KCTD14: variants seen among roughly 807,000 people sequenced by gnomAD.
KCTD14 encodes the protein BTB/POZ domain-containing protein KCTD14.
KCTD14 carries 7 observed loss-of-function variants against 5.9 expected under a neutral mutation model. The ratio of observed to expected loss-of-function variants is 1.19; its 90% CI spans 0.68 to 2.23. KCTD14 has a LOEUF of 2.23. Among genes scored for constraint, KCTD14 ranks in the 30% most tolerant of loss-of-function variants. The pLI, the probability that KCTD14 is intolerant of heterozygous loss-of-function variation, is 0.00. For missense variants in KCTD14, 342 were observed against 332.2 expected, an observed-to-expected ratio of 1.03 and a Z score of -0.23; for synonymous variants, 140 against 133.1, an observed-to-expected ratio of 1.05 and a Z score of -0.36.
chr11:78,045,462 C>T (rs929700600), intron 1 of KCTD14, among the ~76,000 whole-genome samples: 1 of 152,158 alleles, frequency 6.6e-6, no homozygotes, highest in Non-Finnish European at 1.5e-5. Flanking sequence ...GGTTGGCAAT[C>T]GTTTATGTCT....
chr11:78,033,834 A>C (rs1271685925), intron 2 of KCTD14, among the ~76,000 whole-genome samples: 1 of 116,660 alleles, frequency 8.6e-6, no homozygotes, highest in Non-Finnish European at 1.8e-5. Flanking sequence ...TGACAGAGTA[A>C]GACTCCATCT....
chr11:78,023,132 G>A, intron 1 of KCTD14, 28 bp downstream of exon 1: 1 of 1,436,444 alleles, frequency 7.0e-7, no homozygotes, highest in Non-Finnish European at 9.5e-7. Flanking sequence ...GGACAGAGGC[G>A]CGGGGACGCA....
intron 1 of KCTD14, among the ~76,000 whole-genome samples, chr11:78,039,627 C>A (rs1033056036): frequency 6.6e-6 from 1 of 151,274 alleles, no homozygotes; most frequent in Non-Finnish European, 1.5e-5. Flanking sequence ...AATAGCTAGG[C>A]ATGTTGATAT....
At chr11:78,022,910 G>A in intron 1 of KCTD14, 1 of 495,456 alleles carries the variant, frequency 2.0e-6, no homozygotes, top group South Asian at 3.1e-5. Flanking sequence ...GAAGCAAAAG[G>A]GCAAAGAGGA....
At chr11:78,022,864 C>G (rs7124562) in intron 1 of KCTD14, 258,506 of 340,634 alleles carry the variant, frequency 0.76, 99,780 homozygotes, top group Admixed American at 0.81. Flanking sequence ...GGGGAAGAGA[C>G]AAGGGAAAGG....
chr11:78,045,936 TG>T, intron 1 of KCTD14: 1 of 184,918 alleles, frequency 5.4e-6, no homozygotes, highest in Non-Finnish European at 1.0e-5. Context: ...GCAGAAGAGC[TG>T]GGTGAGGACG....
rs558781933 is a variant in KCTD14 at position 78,017,995 on chromosome 11, G to A, written c.91-725C>T. Among the ~76,000 whole-genome samples the A allele has an allele frequency of 1.4e-3, 220 of 152,248 alleles. 1 individual carries two copies. Among genetic ancestry groups the A allele is most frequent in the Non-Finnish European group, 2.6e-3 (174 of 68,012 alleles). On this transcript the variant is annotated intron_variant, in intron 1 of 1. Coordinates refer to ENST00000353172, the MANE Select transcript of KCTD14 (RefSeq NM_023930.4). ...GCCTGTAATCCCAGCTACTCAGGAG[G>A]CTGAGGCACAAGAATCACCTGAACC...
chr11:78,019,031 T>C (rs961218700), intron 1 of KCTD14, among the ~76,000 whole-genome samples: 3 of 151,274 alleles, frequency 2.0e-5, no homozygotes, highest in Non-Finnish European at 1.5e-5. Flanking sequence ...CTTTTCTTTT[T>C]TTTTTTTTTT....
intron 1 of KCTD14, among the ~76,000 whole-genome samples, chr11:78,021,320 A>C (rs1190303434): frequency 9.2e-6 from 1 of 108,528 alleles, no homozygotes; most frequent in Non-Finnish European, 1.9e-5. Flanking sequence ...AAAAAAAAAA[A>C]AAAAAAAAAG....
chr11:78,023,120 G>GAGGACAGAGGCGC (rs1408014857), intron 1 of KCTD14, 40 bp downstream of exon 1: 2 of 1,348,900 alleles, frequency 1.5e-6, no homozygotes, highest in African/African-American at 2.9e-5. Flanking sequence ...GGAAGAGGCG[G>GAGGACAGAGGCGC]AGGACAGAGG....
Position 78,017,076 on chromosome 11 carries a change from A to C in KCTD14, c.285T>G (p.Thr95=). The C allele has an allele frequency of 6.2e-7, 1 of 1,614,222 alleles. No individual in the cohort carries two copies. Among genetic ancestry groups the C allele is most frequent in the Non-Finnish European group, 8.5e-7 (1 of 1,180,042 alleles). Residue 95 remains threonine, a synonymous_variant, in exon 2 of 2, where the codon ACT becomes ACG. Coordinates refer to ENST00000353172, the MANE Select transcript of KCTD14 (RefSeq NM_023930.4). Reference sequence around the variant, plus strand: ...GGATGTGCTGTGTGGGCACTTGCCCAGTGCGCAGGTAGTCCAGGATGGGTC... The same window carrying C: ...GGATGTGCTGTGTGGGCACTTGCCCCGTGCGCAGGTAGTCCAGGATGGGTC... ...YFRPILDYLR[T]GQVPTQHIPE...
chr11:78,037,406 A>G (rs1397422470), intron 2 of KCTD14, among the ~76,000 whole-genome samples: 1 of 152,122 alleles, frequency 6.6e-6, no homozygotes, highest in African/African-American at 2.4e-5. Flanking sequence ...CAAGCTCCCA[A>G]GGGCCAGCTC....
intron 2 of KCTD14, among the ~76,000 whole-genome samples, chr11:78,033,210 A>G (rs1195929925): frequency 2.0e-5 from 3 of 152,248 alleles, no homozygotes; most frequent in African/African-American, 7.2e-5. Context: ...GTGCAAAGAC[A>G]CTATGTGCAC....
intron 2 of KCTD14, among the ~76,000 whole-genome samples, chr11:78,035,844 C>CAAAAAAA (rs559820760): frequency 3.8e-5 from 3 of 79,280 alleles, no homozygotes; most frequent in East Asian, 3.9e-4. Context: ...GACTCCATCT[C>CAAAAAAA]AAAAAAAAAA....
intron 2 of KCTD14, among the ~76,000 whole-genome samples, chr11:78,031,648 A>C (rs1035779423): frequency 1.3e-5 from 2 of 152,056 alleles, no homozygotes; most frequent in Non-Finnish European, 2.9e-5. Context: ...TCGGCCTCTC[A>C]AAGTGCTGGG....
intron 1 of KCTD14, among the ~76,000 whole-genome samples, chr11:78,018,668 C>T (rs1345792959): frequency 1.3e-5 from 2 of 151,614 alleles, no homozygotes; most frequent in African/African-American, 4.9e-5. Flanking sequence ...GATCATGCCA[C>T]CGCACTCCAG....
upstream of KCTD14, chr11:78,023,568 G>A (rs907907868): frequency 4.8e-5 from 14 of 289,634 alleles, no homozygotes; most frequent in African/African-American, 9.2e-5. Flanking sequence ...AGGCTGAAGT[G>A]CAGTGGCGGA....
chr11:78,033,986 G>A (rs1217188452), intron 2 of KCTD14, among the ~76,000 whole-genome samples: 2 of 150,726 alleles, frequency 1.3e-5, no homozygotes, highest in Non-Finnish European at 2.9e-5. Context: ...AGATATAAAG[G>A]AGACTTAGTC....
At chr11:78,043,460 T>C (rs1039660970) in intron 1 of KCTD14, among the ~76,000 whole-genome samples, 2 of 152,168 alleles carry the variant, frequency 1.3e-5, no homozygotes, top group African/African-American at 4.8e-5. Context: ...GCTTTTCGTA[T>C]GAAACAATTA....
Sources: allele counts gnomAD v4.1 joint callset (sites outside exome capture counted in the v4.1 genomes callset), GRCh38; gene constraint gnomAD v4.1.1; transcripts MANE v1.5; gene names NCBI Gene and HGNC (gene_info 2026-07-23, HGNC 2026-07-21).